FAT2: variants seen among roughly 807,000 people sequenced by gnomAD.
The protein encoded by FAT2 is protocadherin Fat 2.
FAT2 carries 150 observed loss-of-function variants against 295.3 expected under a neutral mutation model. That is an observed-to-expected ratio of 0.51 (90% confidence interval 0.44 to 0.58). FAT2 has a LOEUF of 0.58. Among genes scored for constraint, FAT2 ranks in the 20% least tolerant of loss-of-function variants. FAT2 has a pLI of 0.00. For synonymous variants in FAT2, 2,026 were observed against 2,150.3 expected, an observed-to-expected ratio of 0.94 and a Z score of 1.60; for missense variants, 4,868 against 5,442.7, an observed-to-expected ratio of 0.89 and a Z score of 3.32.
Position 151,521,471 on chromosome 5 carries a change from T to A in FAT2, c.11122A>T (p.Lys3708Ter), listed in dbSNP as rs1753444835. 6.2e-7 allele frequency: 1 copy of A among 1,614,098 alleles called. No individual in the cohort carries two copies. ...ACCCCCACTGAATGCTCCATCTCCT[T>A]GGCTGAGTGAGTGATGATGGATGCT... ...ELASIITHSA[K>*]EMEHSVGVQM... Residue 3708 changes from lysine (K) to a stop codon, truncating the protein, a stop_gained, in exon 19 of 24, where the codon AAG becomes TAG. Coordinates refer to ENST00000261800, the MANE Select transcript of FAT2 (RefSeq NM_001447.3). LOFTEE classifies it high-confidence loss of function.
chr5:151,548,621 C>G (rs1756885081), intron 9 of FAT2, among the ~76,000 whole-genome samples: 2 of 152,148 alleles, frequency 1.3e-5, no homozygotes, highest in South Asian at 4.1e-4. Context: ...GCTGGGATTA[C>G]AGGTGCATGT....
chr5:151,507,040 C>G (rs1253597358), intron 23 of FAT2, 114 bp downstream of exon 23: 1 of 905,764 alleles, frequency 1.1e-6, no homozygotes. Context: ...TGTCCCATCC[C>G]AAAGGGTTGG....
chr5:151,572,333 G>T (rs540419670), intron 1 of FAT2, among the ~76,000 whole-genome samples: 4 of 152,082 alleles, frequency 2.6e-5, no homozygotes, highest in African/African-American at 9.7e-5. Context: ...CAGAATGAAC[G>T]CTGAAAGAGC....
rs150074220 is a variant in FAT2 at position 151,544,493 on chromosome 5, G to T, written c.6634C>A (p.Pro2212Thr). 1 of 1,613,938 alleles carries T rather than the reference G, an allele frequency of 6.2e-7. No individual in the cohort carries two copies. Among genetic ancestry groups the T allele is most frequent in the South Asian group, 1.1e-5 (1 of 91,074 alleles). Reference protein sequence around the residue: ...RLIYNIVEEEPLMLFTTDFKT... With the variant: ...RLIYNIVEEETLMLFTTDFKT... ...AAGTCAGTGGTGAACAGCATCAAGG[G>T]TTCTTCCTCCACAATGTTGTAGATG... Residue 2212 changes from proline (P) to threonine (T), a missense_variant, in exon 10 of 24, where the codon CCC becomes ACC. Around this residue, in one of 5 missense-constraint regions of FAT2, gnomAD observed 3,297 missense variants for 3,669.4 expected, o/e 0.90. Transcript: ENST00000261800.
In FAT2 at chr5:151,568,133, T is replaced by C; in HGVS notation, c.799A>G (p.Asn267Asp). Reference sequence around the variant, plus strand: ...ACAGTGGCATAGGTGGTACCATCATTGCTGTCTGGTGGAGTCACCACCACC... The same window carrying C: ...ACAGTGGCATAGGTGGTACCATCATCGCTGTCTGGTGGAGTCACCACCACC... ...ASVVVTPPDS[N>D]DGTTYATVLV... The change falls in exon 2 of 24, where the codon AAT (asparagine) becomes GAT (aspartate). Residue 267 changes from asparagine (N) to aspartate (D), a missense_variant. Around this residue, in one of 5 missense-constraint regions of FAT2, gnomAD observed 3,297 missense variants for 3,669.4 expected, o/e 0.90. Coordinates refer to ENST00000261800, the MANE Select transcript of FAT2 (RefSeq NM_001447.3). 6.2e-7 allele frequency: 1 copy of C among 1,614,224 alleles called. No individual in the cohort carries two copies. The highest frequency in any genetic ancestry group is 8.5e-7 in the Non-Finnish European group (1 of 1,180,030).
Position 151,528,133 on chromosome 5 carries a change from C to T in FAT2, c.10027G>A (p.Val3343Ile). 6.2e-7 allele frequency: 1 copy of T among 1,613,796 alleles called. No individual in the cohort carries two copies. The highest frequency in any genetic ancestry group is 8.5e-7 in the Non-Finnish European group (1 of 1,179,832). ...NALVGDVILT[V>I]SATDEDGPLN... Reference sequence around the variant, plus strand: ...GGTCCATCTTCATCAGTCGCTGATACCTGCGGTGGGGTAGGGGGATTGTGA... The same window carrying T: ...GGTCCATCTTCATCAGTCGCTGATATCTGCGGTGGGGTAGGGGGATTGTGA... Residue 3343 changes from valine (V) to isoleucine (I), a missense_variant and splice_region_variant, in exon 16 of 24, where the codon GTA becomes ATA. Physicochemically the swap from Val to Ile is conservative, Grantham distance 29. Around this residue, in one of 5 missense-constraint regions of FAT2, gnomAD observed 1,046 missense variants for 1,210.1 expected, o/e 0.86. Transcript: ENST00000261800.
rs747185256 is a variant in FAT2 at position 151,544,791 on chromosome 5, A to T, written c.6336T>A (p.Asp2112Glu). ...NGAVTYEFAE[D>E]YTYFRIDPYL... ...AGGGGTCAATTCGGAAATATGTGTA[A>T]TCTTCTGCAAATTCATATGTAACAG... Residue 2112 changes from aspartate (D) to glutamate (E), a missense_variant, in exon 10 of 24, where the codon GAT becomes GAA. Around this residue, in one of 5 missense-constraint regions of FAT2, gnomAD observed 3,297 missense variants for 3,669.4 expected, o/e 0.90. Transcript: ENST00000261800. 6.2e-7 allele frequency: 1 copy of T among 1,614,184 alleles called. No homozygotes were observed. The highest frequency in any genetic ancestry group is 1.7e-5 in the Admixed American group (1 of 60,018).
Position 151,507,507 on chromosome 5 carries a change from G to T in FAT2, c.12164C>A (p.Ala4055Asp). Residue 4055 changes from alanine (A) to aspartate (D), a missense_variant, in exon 23 of 24, where the codon GCC becomes GAC. Physicochemically the swap from Ala to Asp is moderately radical, Grantham distance 126. Transcript: ENST00000261800. Reference protein sequence around the residue: ...GQQELLIITVAVAFIIISTVG... With the variant: ...GQQELLIITVDVAFIIISTVG... The stretch of plus-strand genomic sequence containing the variant: ...AGTGCTTATGATAATGAACGCCACG[G>T]CCACTGTGATGATCAGTAACTCCTG... 6.2e-7 allele frequency: 1 copy of T among 1,614,128 alleles called. No homozygotes were observed. The highest frequency in any genetic ancestry group is 8.5e-7 in the Non-Finnish European group (1 of 1,180,016).
In FAT2 at chr5:151,512,714, G is replaced by A; in HGVS notation, c.11464-108C>T. 3 of 1,055,682 alleles carry A rather than the reference G, an allele frequency of 2.8e-6. No homozygotes were observed. The highest frequency in any genetic ancestry group is 2.6e-5 in the East Asian group (1 of 38,430). The allele number at this position is 1,055,682 out of a possible 1,614,324, so 65.4% of individuals were successfully genotyped here. A position where few individuals can be genotyped will look rare whatever the true frequency, so the allele number is the denominator to read the frequency against. The stretch of plus-strand genomic sequence containing the variant: ...TGTTTGTATTTTTATGGGTAGGAGG[G>A]GGGTGTTTGGCTGTTTTAGACATGG... On this transcript the variant is annotated intron_variant, in intron 20 of 23. Coordinates refer to ENST00000261800, the MANE Select transcript of FAT2 (RefSeq NM_001447.3). This position sits in a 1 kb window ranked among gnomAD's most constrained non-coding sequence, Gnocchi z 4.1.
intron 3 of FAT2, 49 bp from the exon 4 acceptor site, chr5:151,556,451 C>A: frequency 7.5e-7 from 1 of 1,341,082 alleles, no homozygotes; most frequent in Non-Finnish European, 1.1e-6. Flanking sequence ...ACTTTCAGGG[C>A]CACTTTACTG....
chr5:151,542,518 G>C lies in FAT2; in HGVS notation c.8609C>G (p.Thr2870Ser), dbSNP rs765925343. The C allele has an allele frequency of 6.2e-7, 1 of 1,614,196 alleles. No individual in the cohort carries two copies. The highest frequency in any genetic ancestry group is 1.1e-5 in the South Asian group (1 of 91,090). ...ATAGGCCACCACATGAAAATGATAA[G>C]TCTGGCAGGTCTCACAGTCAAGTTC... ...LQELDCETCQTYHFHVVAYDH... is the reference protein window; with the variant it reads ...LQELDCETCQSYHFHVVAYDH... Residue 2870 changes from threonine to serine, a missense_variant, in exon 10 of 24, where the codon ACT (threonine) becomes AGT (serine). Physicochemically the swap from Thr to Ser is moderately conservative, Grantham distance 58. Coordinates refer to ENST00000261800, the MANE Select transcript of FAT2 (RefSeq NM_001447.3).
intron 23 of FAT2, 55 bp from the exon 24 acceptor site, chr5:151,506,152 CT>C: frequency 6.7e-7 from 1 of 1,487,074 alleles, no homozygotes; most frequent in South Asian, 1.4e-5. Flanking sequence ...AAGGTTTCAG[CT>C]GGCTCTATAG....
At chr5:151,508,861 C>A (rs1386705544) in intron 22 of FAT2, among the ~76,000 whole-genome samples, 1 of 152,116 alleles carries the variant, frequency 6.6e-6, no homozygotes, top group African/African-American at 2.4e-5. Context: ...CAAAGGGATC[C>A]ACTGAGAGCT....
Position 151,542,703 on chromosome 5 carries a change from C to T in FAT2, c.8424G>A (p.Glu2808=). The part of the protein sequence containing the change: ...EADPYKAVLT[E]NMPVGTSVIQ... ...TGACTGAGGTCCCCACTGGCATATT[C>T]TCAGTGAGGACAGCCTTATATGGAT... The change falls in exon 10 of 24, where the codon GAG becomes GAA. Residue 2808 remains glutamate, a synonymous_variant. Coordinates refer to ENST00000261800, the MANE Select transcript of FAT2 (RefSeq NM_001447.3). The T allele has an allele frequency of 6.2e-7, 1 of 1,614,220 alleles. No homozygotes were observed. Among genetic ancestry groups the T allele is most frequent in the South Asian group, 1.1e-5 (1 of 91,080 alleles).
At chr5:151,560,249 C>A (rs538795808) in intron 3 of FAT2, among the ~76,000 whole-genome samples, 1 of 152,212 alleles carries the variant, frequency 6.6e-6, no homozygotes. Context: ...TAAGCTCTTT[C>A]TATAGCTTTG....
chr5:151,567,964 A>G lies in FAT2; in HGVS notation c.968T>C (p.Met323Thr), dbSNP rs997469762. Residue 323 changes from methionine to threonine, a missense_variant, in exon 2 of 24, where the codon ATG becomes ACG. Physicochemically the swap from Met to Thr is moderately conservative, Grantham distance 81. Transcript: ENST00000261800. Reference sequence around the variant, plus strand: ...GAGGTTGAACCCATGAAGGTACTCCATCCAGTTGATGTCTTTGACAGACAC... The same window carrying G: ...GAGGTTGAACCCATGAAGGTACTCCGTCCAGTTGATGTCTTTGACAGACAC... ...SLVSVKDINW[M>T]EYLHGFNLSL... 11 of 1,614,214 alleles carry G rather than the reference A, an allele frequency of 6.8e-6. No individual in the cohort carries two copies. The Admixed American group carries it at 1.8e-4, about 27-fold the overall frequency.
intron 4 of FAT2, among the ~76,000 whole-genome samples, chr5:151,554,917 G>A (rs1244969920): frequency 6.6e-6 from 1 of 152,202 alleles, no homozygotes; most frequent in Non-Finnish European, 1.5e-5. Context: ...GACAAAAGCT[G>A]GTGCTGTTTA....
chr5:151,548,747 C>T (rs1033566724), intron 9 of FAT2, among the ~76,000 whole-genome samples: 1 of 152,158 alleles, frequency 6.6e-6, no homozygotes, highest in Non-Finnish European at 1.5e-5. Flanking sequence ...TCCCAAAGTG[C>T]TAGGATTACA....
Position 151,525,859 on chromosome 5 carries a change from C to A in FAT2, c.10415G>T (p.Gly3472Val), listed in dbSNP as rs2127584290. ...YSFRITKGNNGSAFRVTPDGW... is the reference protein window; with the variant it reads ...YSFRITKGNNVSAFRVTPDGW... ...ATCCGGGGTCACTCGGAAGGCAGAG[C>A]CGTTGTTCCCCTTGGTGATTCGAAA... The change falls in exon 18 of 24, where the codon GGC becomes GTC. Residue 3472 changes from glycine (G) to valine (V), a missense_variant. By Grantham distance (109) the Gly-to-Val change is moderately radical. Coordinates refer to ENST00000261800, the MANE Select transcript of FAT2 (RefSeq NM_001447.3). The A allele has an allele frequency of 6.2e-7, 1 of 1,614,112 alleles. No homozygotes were observed. The highest frequency in any genetic ancestry group is 8.5e-7 in the Non-Finnish European group (1 of 1,179,984).
Sources: gnomAD v4.1 joint callset for allele counts (sites outside exome capture counted in the v4.1 genomes callset) on GRCh38, gnomAD v4.1.1 for gene constraint, gnomAD v4.1.1 regional missense constraint, Gnocchi (gnomAD v3.1) non-coding constraint, MANE v1.5 for transcripts, NCBI Gene and HGNC (gene_info 2026-07-23, HGNC 2026-07-21) for gene names.